ARK2N: variants seen among roughly 807,000 people sequenced by gnomAD.
ARK2N encodes arkadia (RNF111) N-terminal like PKA signaling regulator 2N.
chr18:46,187,406 A>G, the ARK2N span, among the ~76,000 whole-genome samples: 3,832 of 150,056 alleles, frequency 0.026, 146 homozygotes, highest in East Asian at 0.12. Context: ...CAGTAGCGCC[A>G]TCTCGGCTCA....
At chr18:46,256,417 T>A in the ARK2N span, among the ~76,000 whole-genome samples, 9 of 76,994 alleles carry the variant, frequency 1.2e-4, no homozygotes, top group African/African-American at 3.6e-4. Flanking sequence ...TCTTCTTTTT[T>A]TAAAAAAAAA....
the ARK2N span, among the ~76,000 whole-genome samples, chr18:46,220,101 CT>C: frequency 3.9e-5 from 6 of 152,190 alleles, no homozygotes; most frequent in African/African-American, 9.6e-5. Context: ...CTTGTCTTGT[CT>C]TTAATGACCT....
At chr18:46,205,295 G>A in the ARK2N span, among the ~76,000 whole-genome samples, 1 of 152,118 alleles carries the variant, frequency 6.6e-6, no homozygotes, top group African/African-American at 2.4e-5. Flanking sequence ...ATACGGAAAG[G>A]GGTAAAAAGC....
At chr18:46,230,788 T>C in the ARK2N span, among the ~76,000 whole-genome samples, 1 of 152,240 alleles carries the variant, frequency 6.6e-6, no homozygotes. Flanking sequence ...AAACAAATTA[T>C]AGTTTTAACT....
At chr18:46,245,877 T>C in the ARK2N span, among the ~76,000 whole-genome samples, 1 of 152,210 alleles carries the variant, frequency 6.6e-6, no homozygotes, top group African/African-American at 2.4e-5. Flanking sequence ...ATAACTACCT[T>C]TTCTTGGTAA....
At chr18:46,227,547 G>A in the ARK2N span, among the ~76,000 whole-genome samples, 1 of 152,040 alleles carries the variant, frequency 6.6e-6, no homozygotes, top group East Asian at 1.9e-4. Context: ...ATACATCCTT[G>A]TATAAGGATA....
chr18:46,181,402 C>A, the ARK2N span, among the ~76,000 whole-genome samples: 24 of 151,990 alleles, frequency 1.6e-4, no homozygotes, highest in Non-Finnish European at 3.4e-4. Context: ...CTTAGAGCAG[C>A]CATTCCTAAG....
At chr18:46,256,784 GTCTTTTATAT>G in the ARK2N span, among the ~76,000 whole-genome samples, 1 of 152,162 alleles carries the variant, frequency 6.6e-6, no homozygotes, top group Admixed American at 6.5e-5. Flanking sequence ...TTGTGAGGGT[GTCTTTTATAT>G]TGATCTTGGG....
the ARK2N span, among the ~76,000 whole-genome samples, chr18:46,189,789 G>C: frequency 1.3e-5 from 2 of 152,158 alleles, no homozygotes; most frequent in African/African-American, 2.4e-5. Flanking sequence ...GCTTGAGCCT[G>C]AGGGTTTGAT....
At chr18:46,240,087 G>A in the ARK2N span, 18 of 1,614,162 alleles carry the variant, frequency 1.1e-5, no homozygotes, top group African/African-American at 8.0e-5. Flanking sequence ...ATTTATTGGC[G>A]GCTGCAGTAG....
the ARK2N span, among the ~76,000 whole-genome samples, chr18:46,205,374 C>T: frequency 1.3e-5 from 2 of 152,180 alleles, no homozygotes; most frequent in South Asian, 2.1e-4. Context: ...GGAGGATTTC[C>T]GATAGTGCTT....
the ARK2N span, among the ~76,000 whole-genome samples, chr18:46,238,306 A>G: frequency 1.3e-5 from 2 of 152,172 alleles, no homozygotes; most frequent in African/African-American, 2.4e-5. Flanking sequence ...AAAATAGAAC[A>G]TATGGTCAAA....
the ARK2N span, among the ~76,000 whole-genome samples, chr18:46,190,730 C>T: frequency 2.0e-5 from 3 of 151,960 alleles, no homozygotes; most frequent in Non-Finnish European, 4.4e-5. Flanking sequence ...CCAGTGACAC[C>T]CCTGTAGTGT....
At chr18:46,253,848 GAT>G in the ARK2N span, 1 of 1,539,552 alleles carries the variant, frequency 6.5e-7, no homozygotes, top group African/African-American at 1.4e-5. Context: ...GGAGTAGTCT[GAT>G]ATTTTAAGTT....
the ARK2N span, chr18:46,216,145 T>G: frequency 1.2e-6 from 2 of 1,613,982 alleles, no homozygotes; most frequent in Non-Finnish European, 8.5e-7. This position sits in a 1 kb window ranked among gnomAD's most constrained non-coding sequence, Gnocchi z 4.3. Flanking sequence ...TGAGAGTGAC[T>G]CCTCTAATCA....
chr18:46,183,917 G>A, the ARK2N span, among the ~76,000 whole-genome samples: 2,685 of 151,958 alleles, frequency 0.018, 93 homozygotes, highest in African/African-American at 0.061. Flanking sequence ...TCCGTCTCCC[G>A]GGTTCAAGCG....
chr18:46,239,502 A>G, the ARK2N span, among the ~76,000 whole-genome samples: 1 of 152,238 alleles, frequency 6.6e-6, no homozygotes, highest in African/African-American at 2.4e-5. Flanking sequence ...ACAGAGCTCT[A>G]GTGTTAACCT....
chr18:46,216,011 A>T, the ARK2N span: 3 of 1,614,158 alleles, frequency 1.9e-6, no homozygotes, highest in Non-Finnish European at 2.5e-6. The surrounding 1 kb of genome is among the most constrained non-coding windows in gnomAD (Gnocchi z 4.3). Flanking sequence ...GTTCAGAAAG[A>T]TGGTGTAGCG....
the ARK2N span, among the ~76,000 whole-genome samples, chr18:46,236,856 GT>G: frequency 3.4e-5 from 5 of 148,204 alleles, no homozygotes; most frequent in African/African-American, 1.0e-4. Context: ...TGTTGTTGTT[GT>G]TTGTTTTTTG....
Sources: gnomAD v4.1 joint callset for allele counts (sites outside exome capture counted in the v4.1 genomes callset) on GRCh38, gnomAD v4.1.1 for gene constraint, Gnocchi (gnomAD v3.1) non-coding constraint, MANE v1.5 for transcripts, NCBI Gene and HGNC (gene_info 2026-07-23, HGNC 2026-07-21) for gene names.